The following PAK3 variants were observed in gnomAD, a reference collection of about 807,000 sequenced individuals.
The protein encoded by PAK3 is serine/threonine-protein kinase PAK 3.
A neutral mutation model predicts 41.0 loss-of-function variants in PAK3; 4 were observed. The observed-to-expected ratio is 0.10, with a 90% confidence interval of 0.05 to 0.22. The LOEUF is 0.22. Ranked by LOEUF, PAK3 falls within the 10% of genes least tolerant of loss-of-function variation. The pLI is 1.00. For synonymous variants in PAK3, 146 were observed against 139.6 expected (o/e 1.05, Z -0.32); for missense variants, 205 against 409.9 (o/e 0.50, Z 4.32).
chrX:110,978,288 A>AT (rs919196598), intron 1 of PAK3, among the ~76,000 whole-genome samples: 2 of 108,303 alleles, frequency 1.8e-5, no homozygotes, highest in African/African-American at 6.7e-5. Context: ...TCATTTGGCT[A>AT]TTTTTTTGTT....
chrX:111,010,931 C>T (rs960794535), intron 1 of PAK3, among the ~76,000 whole-genome samples: 2 of 111,675 alleles, frequency 1.8e-5, no homozygotes, highest in South Asian at 3.8e-4. Context: ...TTGATATATC[C>T]GGGGCTGAAT....
chrX:111,057,799 A>G (rs1228665300), intron 1 of PAK3, among the ~76,000 whole-genome samples: 2 of 111,765 alleles, frequency 1.8e-5, no homozygotes, highest in African/African-American at 6.5e-5. Context: ...CATTGCCCTG[A>G]AAAGGAAGCT....
chrX:111,096,178 G>C (rs2092977119), upstream of PAK3: 1 of 112,347 alleles, frequency 8.9e-6, no homozygotes, highest in African/African-American at 3.2e-5. Context: ...AGCGGTTGCC[G>C]AGCAGGGGCT....
intron 7 of PAK3, among the ~76,000 whole-genome samples, chrX:111,148,117 G>A (rs2093975200): frequency 8.9e-6 from 1 of 112,021 alleles, no homozygotes; most frequent in African/African-American, 3.2e-5. Flanking sequence ...TGAAGGAGTA[G>A]TTGTGAGCTT....
At chrX:110,969,450 ATTTTT>A (rs35064494) in intron 1 of PAK3, among the ~76,000 whole-genome samples, 40 of 47,364 alleles carry the variant, frequency 8.4e-4, no homozygotes, top group African/African-American at 2.9e-3. Context: ...GACGTGGCTA[ATTTTT>A]TTTTTTTTTT....
chrX:111,156,870 T>C (rs1292993148), intron 8 of PAK3, among the ~76,000 whole-genome samples: 1 of 112,214 alleles, frequency 8.9e-6, no homozygotes, highest in Non-Finnish European at 1.9e-5. Flanking sequence ...AATTTGAGGC[T>C]AATTTTAAAA....
At chrX:110,954,067 C>G (rs1011335247) in intron 1 of PAK3, among the ~76,000 whole-genome samples, 1 of 111,554 alleles carries the variant, frequency 9.0e-6, no homozygotes, top group African/African-American at 3.3e-5. Context: ...CTTGATCTCA[C>G]TGATCTTATT....
At chrX:111,051,267 A>G (rs1164302291) in intron 1 of PAK3, among the ~76,000 whole-genome samples, 2 of 111,950 alleles carry the variant, frequency 1.8e-5, no homozygotes, top group Non-Finnish European at 3.8e-5. Context: ...GCCTGGCCAT[A>G]GTACCTCTAC....
intron 1 of PAK3, among the ~76,000 whole-genome samples, chrX:110,970,293 A>T (rs781524859): frequency 3.6e-5 from 4 of 111,487 alleles, no homozygotes; most frequent in Non-Finnish European, 7.5e-5. Flanking sequence ...TTCCTTGTAG[A>T]TTCTAGATAT....
chrX:111,145,468 T>C (rs1158423386), intron 6 of PAK3, among the ~76,000 whole-genome samples: 1 of 112,232 alleles, frequency 8.9e-6, no homozygotes, highest in Non-Finnish European at 1.9e-5. Context: ...CTAGTGGTTA[T>C]GTGCAATGCA....
intron 8 of PAK3, among the ~76,000 whole-genome samples, chrX:111,154,626 C>T (rs1419784503): frequency 1.8e-5 from 2 of 111,385 alleles, no homozygotes; most frequent in Non-Finnish European, 3.8e-5. Context: ...CTTGTACTTG[C>T]GCTTTGCTCA....
chrX:110,990,796 T>C (rs1211850940), intron 1 of PAK3, among the ~76,000 whole-genome samples: 5 of 110,639 alleles, frequency 4.5e-5, no homozygotes, highest in African/African-American at 1.6e-4. Flanking sequence ...TTCACTGGCC[T>C]AAAACACAAA....
At chrX:111,021,078 G>A (rs1474024851) in intron 1 of PAK3, among the ~76,000 whole-genome samples, 1 of 111,445 alleles carries the variant, frequency 9.0e-6, no homozygotes, top group Non-Finnish European at 1.9e-5. Context: ...ACCTGCCCCC[G>A]GGAAGACAAA....
chrX:111,081,104 C>T (rs1461807921), intron 1 of PAK3, among the ~76,000 whole-genome samples: 1 of 111,447 alleles, frequency 9.0e-6, no homozygotes, highest in Non-Finnish European at 1.9e-5. Context: ...AGATGTTGGT[C>T]AAAGGGTATA....
rs138100962 is a variant in PAK3, at chrX:111,117,371, A to C, written c.-27-5706A>C. On this transcript the variant is annotated intron_variant, in intron 4 of 17. Coordinates refer to ENST00000372007, the MANE Select transcript of PAK3 (RefSeq NM_002578.5). ...ATTGGATACTATTCTCAGTTTTTTCATTTGTGACCTTGGGCAAGTACTTAA... is the reference window on the plus strand; with the variant it reads ...ATTGGATACTATTCTCAGTTTTTTCCTTTGTGACCTTGGGCAAGTACTTAA... 7.2e-3 allele frequency among the ~76,000 whole-genome samples: 804 copies of C among 111,776 alleles called. 12 individuals are homozygous for C. The highest frequency in any genetic ancestry group is 0.025 in the African/African-American group (768 of 30,824).
intron 3 of PAK3, among the ~76,000 whole-genome samples, chrX:111,101,732 G>T (rs966425998): frequency 1.8e-5 from 2 of 111,896 alleles, no homozygotes; most frequent in African/African-American, 6.5e-5. Context: ...GTGAGCTCAC[G>T]TAGGGAGGGA....
At chrX:111,097,045 A>C in intron 1 of PAK3, among the ~76,000 whole-genome samples, 1 of 106,852 alleles carries the variant, frequency 9.4e-6, no homozygotes, top group African/African-American at 3.4e-5. Context: ...TCCTGTGGGG[A>C]TTGGAATGAT....
At chrX:110,978,827 C>T (rs768362335) in intron 1 of PAK3, among the ~76,000 whole-genome samples, 5 of 108,443 alleles carry the variant, frequency 4.6e-5, no homozygotes, top group Middle Eastern at 9.5e-3. Context: ...AGAATAAATA[C>T]TAGCCTCAAA....
intron 5 of PAK3, among the ~76,000 whole-genome samples, chrX:111,129,327 G>A (rs1291583068): frequency 9.0e-6 from 1 of 111,581 alleles, no homozygotes; most frequent in East Asian, 2.8e-4. Context: ...TTATCAGAAA[G>A]CCAGGTATCA....
Sources: gnomAD v4.1 joint callset for allele counts (sites outside exome capture counted in the v4.1 genomes callset) on GRCh38, gnomAD v4.1.1 for gene constraint, MANE v1.5 for transcripts, NCBI Gene and HGNC (gene_info 2026-07-23, HGNC 2026-07-21) for gene names.